The following DST variants were observed in gnomAD, a reference collection of about 807,000 sequenced individuals.
DST encodes bullous pemphigoid antigen.
A neutral mutation model predicts 875.2 loss-of-function variants in DST; 253 were observed. The observed-to-expected ratio is 0.29, with a 90% CI of 0.26 to 0.32. The LOEUF is 0.32. Among genes scored for constraint, DST ranks in the 10% least tolerant of loss-of-function variants. The pLI is 1.00. For missense variants in DST, 8,287 were observed against 9,111.6 expected (o/e 0.91, Z 3.68); for synonymous variants, 3,124 against 3,197.1 (o/e 0.98, Z 0.77).
At chr6:56,887,794 T>G (rs184867590) in intron 3 of DST, among the ~76,000 whole-genome samples, 67 of 152,180 alleles carry the variant, frequency 4.4e-4, no homozygotes, top group African/African-American at 1.4e-3. Context: ...AACACATGAA[T>G]CCCTTTACCA....
At chr6:56,627,864 T>A (rs2098747701) in intron 33 of DST, 135 bp downstream of exon 33, 1 of 827,106 alleles carries the variant, frequency 1.2e-6, no homozygotes, top group African/African-American at 1.7e-5. Flanking sequence ...TTGCAAGATT[T>A]TAATATTTTT....
At position 56,598,538 on chromosome 6, in the gene DST, C is replaced by G. The variant is rs754229165; in HGVS notation, c.11866G>C (p.Glu3956Gln). The G allele has an allele frequency of 5.0e-6, 8 of 1,608,100 alleles. No individual in the cohort carries two copies. Among genetic ancestry groups the G allele is most frequent in the East Asian group, 4.5e-5 (2 of 44,716 alleles). Residue 3956 changes from glutamate (E) to glutamine (Q), a missense_variant, in exon 46 of 104, where the codon GAA (glutamate) becomes CAA (glutamine). Coordinates refer to ENST00000680361, the MANE Select transcript of DST (RefSeq NM_001374736.1). ...IKCEQLNLKAEQSKKELDKVV... is the reference protein window; with the variant it reads ...IKCEQLNLKAQQSKKELDKVV... ...TTATCCAGCTCCTTTTTAGACTGTT[C>G]TGCTTTTAAATTAAGCTGTTCACAC...
At chr6:56,582,198 C>T (rs746932730) in intron 49 of DST, among the ~76,000 whole-genome samples, 2 of 151,966 alleles carry the variant, frequency 1.3e-5, no homozygotes, top group African/African-American at 2.4e-5. Flanking sequence ...ACATATCACC[C>T]CTGATATAGT....
chr6:56,497,684 A>G, intron 81 of DST, 172 bp downstream of exon 81: 1 of 941,784 alleles, frequency 1.1e-6, no homozygotes, highest in Non-Finnish European at 1.5e-6. Flanking sequence ...GTATTATGCT[A>G]AGAACTAGAA....
At chr6:56,795,068 G>A (rs2099737404) in intron 4 of DST, among the ~76,000 whole-genome samples, 1 of 152,086 alleles carries the variant, frequency 6.6e-6, no homozygotes, top group Non-Finnish European at 1.5e-5. Flanking sequence ...GCCAAAACAA[G>A]TAACAGATTT....
intron 8 of DST, 40 bp downstream of exon 8, chr6:56,701,848 C>T: frequency 7.9e-7 from 1 of 1,259,088 alleles, no homozygotes; most frequent in Non-Finnish European, 1.1e-6. Flanking sequence ...GTATTAGTAA[C>T]ATATATTTAT....
At chr6:56,544,501 T>C (rs964146776) in intron 61 of DST, among the ~76,000 whole-genome samples, 1 of 152,152 alleles carries the variant, frequency 6.6e-6, no homozygotes, top group South Asian at 2.1e-4. Flanking sequence ...AATAATTCAT[T>C]CATAAATTAA....
At chr6:56,937,713 G>A (rs1487046596) in intron 2 of DST, among the ~76,000 whole-genome samples, 2 of 152,156 alleles carry the variant, frequency 1.3e-5, no homozygotes, top group African/African-American at 2.4e-5. Context: ...TATTCACAGC[G>A]GTGCTATTTG....
intron 9 of DST, among the ~76,000 whole-genome samples, chr6:56,689,021 A>G (rs192331653): frequency 9.9e-5 from 15 of 152,280 alleles, no homozygotes; most frequent in Non-Finnish European, 2.2e-4. Flanking sequence ...AGCCTGGCAG[A>G]CAATTTTGGG....
intron 4 of DST, among the ~76,000 whole-genome samples, chr6:56,739,599 G>C (rs2099538826): frequency 1.3e-5 from 2 of 152,166 alleles, no homozygotes; most frequent in African/African-American, 4.8e-5. Context: ...GGCATTCTAA[G>C]TCACAGGTTG....
chr6:56,554,336 G>A (rs1174856947), intron 60 of DST, among the ~76,000 whole-genome samples: 5 of 151,814 alleles, frequency 3.3e-5, no homozygotes, highest in South Asian at 4.2e-4. Flanking sequence ...CGCCGGCCTC[G>A]GCCTCCCAAA....
intron 2 of DST, among the ~76,000 whole-genome samples, chr6:56,905,895 C>T (rs1033400904): frequency 6.6e-6 from 1 of 152,160 alleles, no homozygotes; most frequent in African/African-American, 2.4e-5. Context: ...GTGATCCACC[C>T]ATCTCGGCCT....
chr6:56,848,985 G>C (rs1172500916), intron 4 of DST, among the ~76,000 whole-genome samples: 1 of 151,978 alleles, frequency 6.6e-6, no homozygotes, highest in Non-Finnish European at 1.5e-5. Context: ...GTTGCAGTGA[G>C]CCAAGATTAT....
At position 56,606,021 on chromosome 6, in the gene DST, T is replaced by G. The variant is rs775530364; in HGVS notation, c.8607A>C (p.Leu2869Phe). ...LLDKMHSCSSLEKQQRVNVVQ... is the reference protein window; with the variant it reads ...LLDKMHSCSSFEKQQRVNVVQ... ...CAACATTTACCCTTTGCTGTTTTTC[T>G]AAAGAGCTACAACTGTGCATTTTAT... The change falls in exon 40 of 104, where the codon TTA (leucine) becomes TTC (phenylalanine). Residue 2869 changes from leucine to phenylalanine, a missense_variant. Coordinates refer to ENST00000680361, the MANE Select transcript of DST (RefSeq NM_001374736.1). 1 of 1,612,740 alleles carries G rather than the reference T, an allele frequency of 6.2e-7. No individual in the cohort carries two copies. Among genetic ancestry groups the G allele is most frequent in the East Asian group, 2.2e-5 (1 of 44,858 alleles).
rs539298705 is a variant in DST at position 56,633,663 on chromosome 6, G to T, written c.3621+469C>A. 4.0e-5 allele frequency among the ~76,000 whole-genome samples: 6 copies of T among 151,882 alleles called. No homozygotes were observed. The South Asian group carries it at 1.2e-3, about 32-fold the overall frequency. The stretch of plus-strand genomic sequence containing the variant: ...TTACAGGCATGCACCACCACACCTG[G>T]CTAGTTTTGTATTTTTAGTAGAGAC... On this transcript the variant is annotated intron_variant, in intron 27 of 103. Coordinates refer to ENST00000680361, the MANE Select transcript of DST (RefSeq NM_001374736.1).
chr6:56,745,463 T>C (rs2099569503), intron 4 of DST, among the ~76,000 whole-genome samples: 1 of 152,166 alleles, frequency 6.6e-6, no homozygotes, highest in Non-Finnish European at 1.5e-5. Flanking sequence ...TACCTGGTAG[T>C]ACACGAAGAA....
chr6:56,903,864 T>C (rs371474785), intron 2 of DST, among the ~76,000 whole-genome samples: 75 of 152,246 alleles, frequency 4.9e-4, no homozygotes, highest in Admixed American at 4.6e-4. Context: ...ATTTCTTTTA[T>C]ACCCAAATTT....
chr6:56,731,053 T>C (rs1003983850), intron 5 of DST, among the ~76,000 whole-genome samples: 2 of 152,110 alleles, frequency 1.3e-5, no homozygotes, highest in Non-Finnish European at 2.9e-5. Context: ...ATTTTAAAAG[T>C]CCTCAGGGCC....
At chr6:56,695,126 CAAA>C (rs34456344) in intron 9 of DST, among the ~76,000 whole-genome samples, 11 of 70,044 alleles carry the variant, frequency 1.6e-4, no homozygotes, top group African/African-American at 2.8e-4. Flanking sequence ...GACTCCCTCT[CAAA>C]AAAAAAAAAA....
Sources: allele counts gnomAD v4.1 joint callset (sites outside exome capture counted in the v4.1 genomes callset), GRCh38; gene constraint gnomAD v4.1.1; transcripts MANE v1.5; gene names NCBI Gene and HGNC (gene_info 2026-07-23, HGNC 2026-07-21).